Variants in RARB observed in about 807,000 individuals in gnomAD.
RARB encodes retinoic acid receptor beta.
In RARB, 17 loss-of-function variants were observed where a neutral mutation model predicts 51.9. The ratio of observed to expected loss-of-function variants is 0.33; its 90% CI spans 0.22 to 0.49. The LOEUF (loss-of-function observed/expected upper bound fraction) is 0.49. Ranked by LOEUF, RARB falls within the 20% of genes least tolerant of loss-of-function variation. The pLI is 0.99. For missense variants in RARB, 369 were observed against 550.8 expected (o/e 0.67, Z 3.30); for synonymous variants, 215 against 195.4 (o/e 1.10, Z -0.84).
intron 5 of RARB, among the ~76,000 whole-genome samples, chr3:25,276,316 G>A (rs1241374010): frequency 6.6e-6 from 1 of 152,094 alleles, no homozygotes; most frequent in Non-Finnish European, 1.5e-5. Flanking sequence ...AGAAATGTCT[G>A]TACAGGTCTT....
At chr3:24,967,536 C>G (rs1009505297) in intron 2 of RARB, among the ~76,000 whole-genome samples, 1 of 152,102 alleles carries the variant, frequency 6.6e-6, no homozygotes, top group Non-Finnish European at 1.5e-5. Flanking sequence ...ATGCATCTTT[C>G]AGCAGATTTG....
chr3:24,913,273 C>T (rs375452195), intron 2 of RARB, among the ~76,000 whole-genome samples: 23 of 152,018 alleles, frequency 1.5e-4, no homozygotes, highest in African/African-American at 2.2e-4. Flanking sequence ...TGTGAGCCAC[C>T]GCGCCCAGCC....
At chr3:25,404,269 T>A (rs6768560) in intron 5 of RARB, among the ~76,000 whole-genome samples, 63,116 of 151,970 alleles carry the variant, frequency 0.42, 13,509 homozygotes, top group East Asian at 0.73. Context: ...CCTTCCACAT[T>A]TCAAGGTGTT....
chr3:25,326,961 G>T (rs952503836), intron 5 of RARB, among the ~76,000 whole-genome samples: 1 of 151,914 alleles, frequency 6.6e-6, no homozygotes. Context: ...TTAACATTAG[G>T]TATATCTCCT....
chr3:24,925,671 AAAG>A lies in RARB; in HGVS notation c.-380+66920_-380+66922del, dbSNP rs565700887. 4.4e-4 allele frequency among the ~76,000 whole-genome samples: 66 copies of A among 151,150 alleles called. No homozygotes were observed. The East Asian group carries it at 0.012, about 26-fold the overall frequency. ...TTTTTTTTTTAAAAAAAAAAAAAAA[AAAG>A]CTTATATTCATATGGTTTTGCAACT... On this transcript the variant is annotated intron_variant, in intron 2 of 11. Transcript: ENST00000383772.
intron 5 of RARB, among the ~76,000 whole-genome samples, chr3:25,241,778 G>A (rs1480694546): frequency 1.3e-5 from 2 of 152,160 alleles, no homozygotes; most frequent in African/African-American, 4.8e-5. Context: ...GCATACGTGT[G>A]CATGTGTCTA....
intron 3 of RARB, among the ~76,000 whole-genome samples, chr3:25,107,563 G>T (rs1699530359): frequency 6.6e-6 from 1 of 152,116 alleles, no homozygotes; most frequent in South Asian, 2.1e-4. Context: ...TCATCCACGA[G>T]TGATATATTT....
intron 5 of RARB, among the ~76,000 whole-genome samples, chr3:25,239,177 A>T (rs1270707602): frequency 2.6e-5 from 4 of 152,124 alleles, no homozygotes; most frequent in Non-Finnish European, 5.9e-5. Context: ...AAATTGTTTG[A>T]GTTCCTTGTA....
At chr3:25,488,369 A>C (rs1696567245) in intron 2 of RARB, among the ~76,000 whole-genome samples, 1 of 152,254 alleles carries the variant, frequency 6.6e-6, no homozygotes, top group Non-Finnish European at 1.5e-5. Flanking sequence ...AATTTCATCC[A>C]CAGGCTGATG....
intron 2 of RARB, among the ~76,000 whole-genome samples, chr3:24,944,107 C>T (rs911058855): frequency 2.0e-5 from 3 of 152,200 alleles, no homozygotes; most frequent in Admixed American, 6.5e-5. Context: ...AAGTCTGACT[C>T]ATCCTCTTTA....
intron 5 of RARB, among the ~76,000 whole-genome samples, chr3:25,208,751 C>G (rs932047634): frequency 6.6e-6 from 1 of 152,008 alleles, no homozygotes; most frequent in Non-Finnish European, 1.5e-5. Flanking sequence ...CTCATTGAGC[C>G]CCTCACATGT....
At chr3:24,980,680 G>GT (rs937062808) in intron 2 of RARB, among the ~76,000 whole-genome samples, 1 of 151,988 alleles carries the variant, frequency 6.6e-6, no homozygotes, top group African/African-American at 2.4e-5. Flanking sequence ...TTTTTTCATG[G>GT]TTTTTAGCTT....
intron 3 of RARB, among the ~76,000 whole-genome samples, chr3:25,080,778 G>A (rs1698978678): frequency 6.6e-6 from 1 of 152,040 alleles, no homozygotes; most frequent in African/African-American, 2.4e-5. Flanking sequence ...CTGAGTTATA[G>A]GAATTCTTTA....
chr3:24,923,288 A>G (rs1288082237), intron 2 of RARB, among the ~76,000 whole-genome samples: 2 of 147,102 alleles, frequency 1.4e-5, no homozygotes, highest in African/African-American at 5.0e-5. Context: ...TTAATTTGTC[A>G]TCTTTTTTTC....
intron 1 of RARB, among the ~76,000 whole-genome samples, chr3:24,834,451 A>C (rs13060345): frequency 0.37 from 56,978 of 152,104 alleles, 11,649 homozygotes; most frequent in South Asian, 0.45. Context: ...CAAAAAATAA[A>C]AATGAAAGCA....
chr3:25,285,685 G>A (rs1344553805), intron 5 of RARB, among the ~76,000 whole-genome samples: 2 of 152,196 alleles, frequency 1.3e-5, no homozygotes, highest in Non-Finnish European at 2.9e-5. Context: ...ACTGGGTAAC[G>A]AATTGGAGGG....
chr3:25,385,320 G>A (rs1242404683), intron 5 of RARB, among the ~76,000 whole-genome samples: 2 of 152,076 alleles, frequency 1.3e-5, no homozygotes, highest in Non-Finnish European at 2.9e-5. Flanking sequence ...TTGCCTGTTC[G>A]TGTTTGGTCT....
chr3:25,319,413 G>A (rs143181888), intron 5 of RARB, among the ~76,000 whole-genome samples: 14 of 152,260 alleles, frequency 9.2e-5, no homozygotes, highest in African/African-American at 3.1e-4. Flanking sequence ...ACAGGGTGAG[G>A]GGGCTTTGAG....
At chr3:25,202,700 G>A (rs1471734698) in intron 5 of RARB, among the ~76,000 whole-genome samples, 1 of 152,150 alleles carries the variant, frequency 6.6e-6, no homozygotes, top group Non-Finnish European at 1.5e-5. Context: ...ATACCCACTA[G>A]TCATTCAGGA....
Sources: allele counts gnomAD v4.1 joint callset (sites outside exome capture counted in the v4.1 genomes callset), GRCh38; gene constraint gnomAD v4.1.1; transcripts MANE v1.5; gene names NCBI Gene and HGNC (gene_info 2026-07-23, HGNC 2026-07-21).